The following EPS8 variants were observed in gnomAD, a reference collection of about 807,000 sequenced individuals.
EPS8 encodes the protein EGFR pathway substrate 8, signaling adaptor, also known as epidermal growth factor receptor kinase substrate 8.
Under a neutral mutation model 103.8 loss-of-function variants are expected in EPS8, and 42 were observed. That is an observed-to-expected ratio of 0.40 (90% CI 0.32 to 0.52). The LOEUF is 0.52. EPS8 is among the 20% of genes least tolerant of loss of function. EPS8 has a pLI of 0.40. For synonymous variants in EPS8, 344 were observed against 344.6 expected (o/e 1.00, Z 0.02); for missense variants, 969 against 1,005.1 (o/e 0.96, Z 0.49).
At chr12:15,623,932 A>G (rs1327547314) in intron 19 of EPS8, among the ~76,000 whole-genome samples, 1 of 152,234 alleles carries the variant, frequency 6.6e-6, no homozygotes, top group Non-Finnish European at 1.5e-5. Context: ...ACATCACAGT[A>G]ATCTGATGGA....
chr12:15,720,744 C>A (rs1946586047), intron 1 of EPS8, among the ~76,000 whole-genome samples: 1 of 152,180 alleles, frequency 6.6e-6, no homozygotes. Context: ...CTCTTTCCTT[C>A]TTCTATGACC....
At position 15,631,558 on chromosome 12, in the gene EPS8, G is replaced by A. The variant is rs1220083308; in HGVS notation, c.1928C>T (p.Ala643Val). ...TGGGACCTTTGACACAGGAACAGGT[G>A]CTGGAGTGGAAGGGGGAAGGGGAAC... is the stretch of plus-strand genomic sequence containing the variant. ...VPVPLPPSTP[A>V]PVPVSKVPAN... Residue 643 changes from alanine (A) to valine (V), a missense_variant, in exon 18 of 21, where the codon GCA becomes GTA. Transcript: ENST00000281172. 1.2e-6 allele frequency: 2 copies of A among 1,613,912 alleles called. No homozygotes were observed. The highest frequency in any genetic ancestry group is 2.7e-5 in the African/African-American group (2 of 74,904).
chr12:15,687,779 C>T lies in EPS8; in HGVS notation c.-21-4807G>A, dbSNP rs1946115725. Among the ~76,000 whole-genome samples the T allele has an allele frequency of 2.0e-5, 3 of 152,160 alleles. No homozygotes were observed. In the South Asian group the frequency reaches 6.2e-4, roughly 32 times the overall value. Reference sequence around the variant, plus strand: ...CCCTGAGTTGCTATGATGACATCATCAGCACACATGTACTACTGGATGCTA... The same window carrying T: ...CCCTGAGTTGCTATGATGACATCATTAGCACACATGTACTACTGGATGCTA... On this transcript the variant is annotated intron_variant, in intron 1 of 20. Transcript: ENST00000281172.
At chr12:15,720,672 C>A (rs1463932318) in intron 1 of EPS8, among the ~76,000 whole-genome samples, 1 of 152,100 alleles carries the variant, frequency 6.6e-6, no homozygotes, top group East Asian at 1.9e-4. Flanking sequence ...AAAATCAAAG[C>A]CTCTTACTGT....
chr12:15,688,406 C>A lies in EPS8; in HGVS notation c.-21-5434G>T, dbSNP rs920993268. Among the ~76,000 whole-genome samples, 1 of 152,098 alleles carries A rather than the reference C, an allele frequency of 6.6e-6. No homozygotes were observed. The highest frequency in any genetic ancestry group is 2.4e-5 in the African/African-American group (1 of 41,418). ...GCGGGGTCACTGGTTAGGGCTCCAC[C>A]CCCATGGACCTAGATGAGGACAGGC... On this transcript the variant is annotated intron_variant, in intron 1 of 20. Transcript: ENST00000281172. This position sits in a 1 kb window ranked among gnomAD's most constrained non-coding sequence, Gnocchi z 5.1.
rs1335041638 is a variant in EPS8, at chr12:15,650,872, T to C, written c.1385A>G (p.Asn462Ser). ...DLYQLAESVANVAEHQRKQEI... is the reference protein window; with the variant it reads ...DLYQLAESVASVAEHQRKQEI... ...CTGTTTGCGCTGATGTTCTGCTACATTTGCCACAGATTCTGCCAGTTGATA... is the reference window on the plus strand; with the variant it reads ...CTGTTTGCGCTGATGTTCTGCTACACTTGCCACAGATTCTGCCAGTTGATA... Residue 462 changes from asparagine to serine, a missense_variant, in exon 14 of 21, where the codon AAT becomes AGT. Transcript: ENST00000281172. 1 of 1,614,024 alleles carries C rather than the reference T, an allele frequency of 6.2e-7. No homozygotes were observed. The highest frequency in any genetic ancestry group is 2.2e-5 in the East Asian group (1 of 44,892).
intron 3 of EPS8, among the ~76,000 whole-genome samples, chr12:15,678,551 A>G (rs1292125109): frequency 6.6e-6 from 1 of 152,220 alleles, no homozygotes; most frequent in Non-Finnish European, 1.5e-5. Flanking sequence ...TATCAAGTTT[A>G]AAGTTATGTG....
In EPS8 at chr12:15,624,278, G is replaced by GAGTC. The variant is rs1481780192; in HGVS notation, c.2170_2173dup (p.Ser725Ter). The GAGTC allele has an allele frequency of 6.2e-7, 1 of 1,613,762 alleles. No homozygotes were observed. Among genetic ancestry groups the GAGTC allele is most frequent in the Non-Finnish European group, 8.5e-7 (1 of 1,179,830 alleles). On this transcript the variant is annotated stop_gained and frameshift_variant, in exon 19 of 21. Coordinates refer to ENST00000281172, the MANE Select transcript of EPS8 (RefSeq NM_004447.6). LOFTEE classifies it high-confidence loss of function. ...CCACGTCTTCACATCCTCTGGTGTG[G>GAGTC]AGTCGTAAGTGATATTGATAACTGG... is the stretch of plus-strand genomic sequence containing the variant.
rs907363375 is a variant in EPS8, at chr12:15,734,973, C to T, written c.-21-52001G>A. On this transcript the variant is annotated intron_variant, in intron 1 of 20. Transcript: ENST00000281172. The surrounding 1 kb of genome is among the most constrained non-coding windows in gnomAD (Gnocchi z 4.1). ...AGATGTCAAGGAACTAGGGTCACAA[C>T]ACTGAAGGGCATCTGTAGCACAGCC... Among the ~76,000 whole-genome samples the T allele has an allele frequency of 1.3e-5, 2 of 152,154 alleles. No homozygotes were observed. Among genetic ancestry groups the T allele is most frequent in the African/African-American group, 4.8e-5 (2 of 41,444 alleles).
At position 15,764,818 on chromosome 12, in the gene EPS8, T is replaced by G. The variant is rs1172185717; in HGVS notation, c.-22+24343A>C. On this transcript the variant is annotated intron_variant, in intron 1 of 20. Transcript: ENST00000281172. The surrounding 1 kb of genome is among the most constrained non-coding windows in gnomAD (Gnocchi z 4.1). Reference sequence around the variant, plus strand: ...GAGATAAGAACATCAGGTCTCATACTTTCTGGGGAATGAAGATCTAATACA... The same window carrying G: ...GAGATAAGAACATCAGGTCTCATACGTTCTGGGGAATGAAGATCTAATACA... 6.6e-6 allele frequency among the ~76,000 whole-genome samples: 1 copy of G among 152,230 alleles called. No homozygotes were observed.
chr12:15,635,802 T>C (rs1042033658), intron 17 of EPS8, among the ~76,000 whole-genome samples: 14 of 152,008 alleles, frequency 9.2e-5, no homozygotes. Context: ...TACCAATACC[T>C]AGATTGGGGC....
chr12:15,727,019 T>G lies in EPS8; in HGVS notation c.-21-44047A>C, dbSNP rs1946660856. Among the ~76,000 whole-genome samples the G allele has an allele frequency of 6.6e-6, 1 of 152,332 alleles. No individual in the cohort carries two copies. Among genetic ancestry groups the G allele is most frequent in the African/African-American group, 2.4e-5 (1 of 41,570 alleles). On this transcript the variant is annotated intron_variant, in intron 1 of 20. Transcript: ENST00000281172. This position sits in a 1 kb window ranked among gnomAD's most constrained non-coding sequence, Gnocchi z 4.3. Reference sequence around the variant, plus strand: ...CATATGACAACTTAGATTTCAATTGTTAAACAGTTAAGAATGACTACAGTT... The same window carrying G: ...CATATGACAACTTAGATTTCAATTGGTAAACAGTTAAGAATGACTACAGTT...
At chr12:15,629,223 T>C (rs1945001423) in intron 18 of EPS8, among the ~76,000 whole-genome samples, 1 of 152,172 alleles carries the variant, frequency 6.6e-6, no homozygotes, top group Admixed American at 6.5e-5. Flanking sequence ...ATGCAAACTA[T>C]GCCTCTTTCC....
At chr12:15,628,879 A>G (rs1944994784) in intron 18 of EPS8, among the ~76,000 whole-genome samples, 1 of 152,224 alleles carries the variant, frequency 6.6e-6, no homozygotes, top group South Asian at 2.1e-4. Flanking sequence ...ACACACTGAA[A>G]TATGTGCTAC....
chr12:15,621,397 T>C lies in EPS8; in HGVS notation c.2389A>G (p.Met797Val). 1 of 1,604,756 alleles carries C rather than the reference T, an allele frequency of 6.2e-7. No homozygotes were observed. The highest frequency in any genetic ancestry group is 1.1e-5 in the South Asian group (1 of 89,488). The stretch of plus-strand genomic sequence containing the variant: ...CTGATTTTTTCCTGTCGTCTTCTCA[T>C]AATTTCTTGTAACTCGGAGCTGCCA... ...SSGSSELQEIMRRRQEKISAA... is the reference protein window; with the variant it reads ...SSGSSELQEIVRRRQEKISAA... Residue 797 changes from methionine to valine, a missense_variant, in exon 21 of 21, where the codon ATG (methionine) becomes GTG (valine). Coordinates refer to ENST00000281172, the MANE Select transcript of EPS8 (RefSeq NM_004447.6).
At chr12:15,718,651 T>C (rs10466858) in intron 1 of EPS8, among the ~76,000 whole-genome samples, 128,932 of 152,150 alleles carry the variant, frequency 0.85, 58,668 homozygotes, top group Non-Finnish European at 1. Flanking sequence ...GCTTGATGAG[T>C]GCATATCAAG....
chr12:15,636,710 C>T (rs1189471242), intron 17 of EPS8, among the ~76,000 whole-genome samples: 1 of 152,126 alleles, frequency 6.6e-6, no homozygotes, highest in African/African-American at 2.4e-5. Context: ...TATTTGGTGA[C>T]TCACAGATGT....
chr12:15,645,452 T>C (rs1339098265), intron 15 of EPS8, among the ~76,000 whole-genome samples: 1 of 152,132 alleles, frequency 6.6e-6, no homozygotes, highest in African/African-American at 2.4e-5. Context: ...TTTTATTTCA[T>C]TATTTAACTT....
rs1268622376 is a variant in EPS8 at position 15,669,786 on chromosome 12, T to G, written c.244A>C (p.Ile82Leu). The change falls in exon 5 of 21, where the codon ATC becomes CTC. Residue 82 changes from isoleucine to leucine, a missense_variant. Ile to Leu is a conservative substitution (Grantham distance 5). Transcript: ENST00000281172. ...TFVLDRKDAM[I>L]TVDDGIRKLK... ...TTCCTTATTCCATCATCAACAGTGA[T>G]CATAGCATCTTTCCGATCCAGGACA... is the stretch of plus-strand genomic sequence containing the variant. The G allele has an allele frequency of 3.1e-6, 5 of 1,611,106 alleles. No individual in the cohort carries two copies. The highest frequency in any genetic ancestry group is 4.2e-6 in the Non-Finnish European group (5 of 1,179,232).
Sources: gnomAD v4.1 joint callset for allele counts (sites outside exome capture counted in the v4.1 genomes callset) on GRCh38, gnomAD v4.1.1 for gene constraint, Gnocchi (gnomAD v3.1) non-coding constraint, MANE v1.5 for transcripts, NCBI Gene and HGNC (gene_info 2026-07-23, HGNC 2026-07-21) for gene names.